Variants in CCDC14 observed in about 807,000 individuals in gnomAD.
The protein encoded by CCDC14 is coiled-coil domain containing 14.
Under a neutral mutation model 81.4 loss-of-function variants are expected in CCDC14, and 71 were observed. The observed-to-expected ratio is 0.87, with a 90% CI of 0.72 to 1.06. The LOEUF (loss-of-function observed/expected upper bound fraction) is 1.06, where lower values mean the gene tolerates loss of function less well. Ranked by LOEUF, CCDC14 falls within the 50% of genes least tolerant of loss-of-function variation. The pLI, the probability that CCDC14 is intolerant of heterozygous loss-of-function variation, is 0.00. For synonymous variants in CCDC14, 332 were observed against 364.8 expected, an observed-to-expected ratio of 0.91 and a Z score of 1.03; for missense variants, 1,046 against 1,047.3, an observed-to-expected ratio of 1.00 and a Z score of 0.02.
chr3:123,961,097 G>C (rs1433778547), intron 1 of CCDC14, 47 bp downstream of exon 1: 5 of 1,487,162 alleles, frequency 3.4e-6, no homozygotes, highest in Non-Finnish European at 4.6e-6. Context: ...AAACCCCCCT[G>C]TCCCTCTCCA....
downstream of CCDC14, among the ~76,000 whole-genome samples, chr3:123,896,414 A>T (rs2034063904): frequency 6.6e-6 from 1 of 152,224 alleles, no homozygotes; most frequent in Non-Finnish European, 1.5e-5. Context: ...ATTATAAGCA[A>T]CAGAAACTAA....
chr3:123,895,502 A>G (rs915268163), downstream of CCDC14, among the ~76,000 whole-genome samples: 6 of 152,164 alleles, frequency 3.9e-5, no homozygotes, highest in African/African-American at 1.4e-4. Flanking sequence ...TGCACAATGG[A>G]CTCACTTGCA....
In CCDC14 at chr3:123,947,212, T is replaced by C; in HGVS notation, c.792A>G (p.Pro264=). Residue 264 remains proline, a synonymous_variant, in exon 8 of 13, where the codon CCA becomes CCG. Coordinates refer to ENST00000409697, the MANE Select transcript of CCDC14 (RefSeq NM_001366335.1). ...ATATGTCAGTTTTGGGCAGGCTACA[T>C]GGAACTCCAGGACTGGTATTAAATG... ...RNSFNTSPGV[P]CSLPKTDISA... The C allele has an allele frequency of 1.9e-6, 3 of 1,614,000 alleles. No homozygotes were observed. Among genetic ancestry groups the C allele is most frequent in the East Asian group, 2.2e-5 (1 of 44,886 alleles).
downstream of CCDC14, among the ~76,000 whole-genome samples, chr3:123,895,487 C>A (rs2034047286): frequency 2.0e-5 from 3 of 152,172 alleles, no homozygotes; most frequent in East Asian, 5.8e-4. Flanking sequence ...GTTCTCAAGT[C>A]TAGCTGCACA....
chr3:123,948,920 G>C lies in CCDC14; in HGVS notation c.565C>G (p.Pro189Ala), dbSNP rs1305246799. Residue 189 changes from proline (P) to alanine (A), a missense_variant, in exon 6 of 13, where the codon CCA becomes GCA. Pro to Ala is a conservative substitution (Grantham distance 27, BLOSUM62 -1). Coordinates refer to ENST00000409697, the MANE Select transcript of CCDC14 (RefSeq NM_001366335.1). ...KNIPNGIPAV[P>A]CHAPSHSESQ... Reference sequence around the variant, plus strand: ...CCAGAATGAGAGGGAGCATGGCATGGTACAGCAGGAATTCCATTAGGGATG... The same window carrying C: ...CCAGAATGAGAGGGAGCATGGCATGCTACAGCAGGAATTCCATTAGGGATG... 1 of 1,613,686 alleles carries C rather than the reference G, an allele frequency of 6.2e-7. No individual in the cohort carries two copies. Among genetic ancestry groups the C allele is most frequent in the South Asian group, 1.1e-5 (1 of 91,040 alleles).
intron 12 of CCDC14, among the ~76,000 whole-genome samples, chr3:123,916,239 T>A (rs2034679587): frequency 6.6e-6 from 1 of 152,092 alleles, no homozygotes; most frequent in Admixed American, 6.5e-5. Flanking sequence ...CCTCAAGTGA[T>A]CTGCCCGCCT....
chr3:123,949,196 T>A, intron 5 of CCDC14, 64 bp from the exon 6 acceptor site: 1 of 1,041,328 alleles, frequency 9.6e-7, no homozygotes, highest in Non-Finnish European at 1.4e-6. Context: ...CCGTAAGATT[T>A]TAAGAGAAGA....
intron 5 of CCDC14, among the ~76,000 whole-genome samples, chr3:123,950,458 C>T (rs1467383384): frequency 6.6e-6 from 1 of 152,154 alleles, no homozygotes. Flanking sequence ...CATTAAAAAA[C>T]CAACAAAGTA....
At chr3:123,890,200 C>T in the CCDC14 span, among the ~76,000 whole-genome samples, 2 of 152,186 alleles carry the variant, frequency 1.3e-5, no homozygotes, top group Admixed American at 1.3e-4. Context: ...TCCCACAACA[C>T]ATGGGAATTA....
intron 10 of CCDC14, among the ~76,000 whole-genome samples, 192 bp from the exon 11 acceptor site, chr3:123,931,718 C>T (rs1307347886): frequency 1.3e-5 from 2 of 151,902 alleles, no homozygotes; most frequent in Non-Finnish European, 2.9e-5. Flanking sequence ...TCATACCTTT[C>T]TTTTCCAGTT....
chr3:123,923,756 A>G (rs1005082553), intron 12 of CCDC14, among the ~76,000 whole-genome samples: 7 of 150,930 alleles, frequency 4.6e-5, no homozygotes, highest in African/African-American at 1.7e-4. Flanking sequence ...TTATTAGTAT[A>G]TACTAAAAAC....
chr3:123,899,681 C>T (rs2034141287), intron 5 of CCDC14, among the ~76,000 whole-genome samples: 1 of 152,208 alleles, frequency 6.6e-6, no homozygotes, highest in Non-Finnish European at 1.5e-5. Flanking sequence ...AGCCTTCCAA[C>T]TGGGCTTCCT....
Position 123,924,998 on chromosome 3 carries a change from C to CCGAA in CCDC14, c.1778+6103_1778+6104insTTCG, listed in dbSNP as rs2035279954. ...ACACACATCTATCTATACACACACA[C>CCGAA]CCAGAGTATGGGCATTGTAGCATTA... is the stretch of plus-strand genomic sequence containing the variant. On this transcript the variant is annotated intron_variant, in intron 12 of 12. Transcript: ENST00000409697. Among the ~76,000 whole-genome samples, 3 of 151,684 alleles carry CCGAA rather than the reference C, an allele frequency of 2.0e-5. No individual in the cohort carries two copies. The South Asian group carries it at 6.3e-4, about 32-fold the overall frequency.
Position 123,914,518 on chromosome 3 carries a change from G to C in CCDC14, c.*261C>G, listed in dbSNP as rs1414529668. On this transcript the variant is annotated 3_prime_UTR_variant, in exon 13 of 13. Coordinates refer to ENST00000409697, the MANE Select transcript of CCDC14 (RefSeq NM_001366335.1). Reference sequence around the variant, plus strand: ...ACATCTTAATAAAAGAACTCTAATTGCTAAGTACTGAAATAAAACATTACT... The same window carrying C: ...ACATCTTAATAAAAGAACTCTAATTCCTAAGTACTGAAATAAAACATTACT... The C allele has an allele frequency of 9.2e-7, 1 of 1,091,658 alleles. No individual in the cohort carries two copies. Among genetic ancestry groups the C allele is most frequent in the Non-Finnish European group, 1.1e-6 (1 of 898,442 alleles). 67.6% of individuals were successfully genotyped at this position (1,091,658 alleles called of 1,614,324 possible). A position where few individuals can be genotyped will look rare whatever the true frequency, so the allele number is the denominator to read the frequency against.
chr3:123,905,235 G>A (rs2034282327), intron 5 of CCDC14, among the ~76,000 whole-genome samples: 1 of 152,152 alleles, frequency 6.6e-6, no homozygotes, highest in African/African-American at 2.4e-5. Context: ...GGAAGTGATT[G>A]GTTACCAGTG....
downstream of CCDC14, among the ~76,000 whole-genome samples, chr3:123,912,563 G>T (rs1166327154): frequency 1.3e-5 from 2 of 151,954 alleles, no homozygotes; most frequent in South Asian, 2.1e-4. Context: ...TCGTCAATTT[G>T]CCTCTCCTTT....
At chr3:123,937,852 G>C (rs1201565153) in intron 9 of CCDC14, among the ~76,000 whole-genome samples, 1 of 151,842 alleles carries the variant, frequency 6.6e-6, no homozygotes. Flanking sequence ...ATGAGGTAAA[G>C]GTTGAGGTTC....
chr3:123,948,861 T>TA (rs1467612205), intron 6 of CCDC14, 35 bp downstream of exon 6: 1 of 1,593,592 alleles, frequency 6.3e-7, no homozygotes, highest in Non-Finnish European at 8.6e-7. Flanking sequence ...AATTAGAACT[T>TA]ACACTCACGA....
chr3:123,920,569 C>T (rs1208813772), intron 12 of CCDC14, among the ~76,000 whole-genome samples: 1 of 152,176 alleles, frequency 6.6e-6, no homozygotes, highest in Non-Finnish European at 1.5e-5. Context: ...CAAAAACAAC[C>T]TGTCAACCAA....
Sources: allele counts gnomAD v4.1 joint callset (sites outside exome capture counted in the v4.1 genomes callset), GRCh38; gene constraint gnomAD v4.1.1; transcripts MANE v1.5; gene names NCBI Gene and HGNC (gene_info 2026-07-23, HGNC 2026-07-21).